The following CLASP1 variants were observed in gnomAD, a reference collection of about 807,000 sequenced individuals.
The protein encoded by CLASP1 is cytoplasmic linker associated protein 1.
In CLASP1, 38 loss-of-function variants were observed where a neutral mutation model predicts 192.3. The observed-to-expected ratio is 0.20, with a 90% CI of 0.15 to 0.26. The LOEUF is 0.26. Among genes scored for constraint, CLASP1 ranks in the 10% least tolerant of loss-of-function variants. The pLI is 1.00. For synonymous variants in CLASP1, 691 were observed against 712.8 expected, an observed-to-expected ratio of 0.97 and a Z score of 0.49; for missense variants, 1,433 against 1,932.5, an observed-to-expected ratio of 0.74 and a Z score of 4.85.
At chr2:121,632,842 G>C (rs534541101) in intron 1 of CLASP1, among the ~76,000 whole-genome samples, 2 of 151,492 alleles carry the variant, frequency 1.3e-5, no homozygotes, top group African/African-American at 4.9e-5. Flanking sequence ...GTTGCGGTGA[G>C]CCAAGATTGC....
intron 8 of CLASP1, among the ~76,000 whole-genome samples, chr2:121,501,167 G>T (rs2093740194): frequency 1.3e-5 from 2 of 152,162 alleles, no homozygotes; most frequent in Non-Finnish European, 2.9e-5. Context: ...TGTCATACTG[G>T]CTTATGAAGC....
At chr2:121,619,647 C>T (rs1455282869) in intron 1 of CLASP1, among the ~76,000 whole-genome samples, 2 of 152,148 alleles carry the variant, frequency 1.3e-5, no homozygotes, top group Non-Finnish European at 2.9e-5. Context: ...TAGAATTTGC[C>T]TTCACTAGTA....
intron 25 of CLASP1, among the ~76,000 whole-genome samples, chr2:121,406,081 C>T (rs578208133): frequency 1.6e-4 from 24 of 152,202 alleles, no homozygotes; most frequent in Non-Finnish European, 3.4e-4. Flanking sequence ...TCCTTTCTCC[C>T]GTTTTCACAT....
intron 2 of CLASP1, among the ~76,000 whole-genome samples, chr2:121,554,085 G>A (rs375374413): frequency 2.0e-5 from 3 of 151,468 alleles, no homozygotes; most frequent in East Asian, 1.9e-4. Flanking sequence ...GTGTGGTGGC[G>A]TGTGCCTGTA....
intron 36 of CLASP1, chr2:121,364,141 T>C (rs1395216571): frequency 6.6e-6 from 1 of 152,272 alleles, no homozygotes; most frequent in Non-Finnish European, 1.5e-5. Flanking sequence ...TACTTATCCC[T>C]AAACCAAACC....
intron 32 of CLASP1, 37 bp from the exon 34 acceptor site, chr2:121,382,361 T>A (rs780341680): frequency 3.0e-6 from 4 of 1,354,364 alleles, no homozygotes; most frequent in Admixed American, 2.6e-5. Context: ...GAGAGAGAAA[T>A]ACAAAAAGCA....
intron 19 of CLASP1, among the ~76,000 whole-genome samples, chr2:121,430,975 T>TA (rs763487123): frequency 0.012 from 1,739 of 144,306 alleles, 24 homozygotes; most frequent in Admixed American, 0.041. Context: ...CGATTAAACT[T>TA]TAAAAAAAAA....
chr2:121,377,394 T>C, intron 34 of CLASP1, 105 bp downstream of exon 35: 1 of 798,434 alleles, frequency 1.3e-6, no homozygotes, highest in Non-Finnish European at 1.9e-6. Flanking sequence ...AACTACAGGA[T>C]AAAAATAATG....
intron 28 of CLASP1, 22 bp downstream of exon 29, chr2:121,401,487 G>T: frequency 6.3e-7 from 1 of 1,589,460 alleles, no homozygotes; most frequent in Non-Finnish European, 8.6e-7. Context: ...CATCAAAATG[G>T]ACCTAACCCT....
Position 121,605,813 on chromosome 2 carries a change from A to C in CLASP1, c.83T>G (p.Ile28Arg), listed in dbSNP as rs773067210. ...CTTCTGTTTGTCTGAGAAATAGTCT[A>C]TCAGTTCTTGGCCAACCTGCAATCG... Residue 28 changes from isoleucine to arginine, a missense_variant, in exon 2 of 40, where the codon ATA (isoleucine) becomes AGA (arginine). Coordinates refer to ENST00000263710, the Ensembl canonical transcript of CLASP1. The C allele has an allele frequency of 3.7e-6, 6 of 1,614,040 alleles. No individual in the cohort carries two copies. In the Admixed American group the frequency reaches 1.0e-4, roughly 27 times the overall value.
At chr2:121,617,004 G>A (rs1285741462) in intron 1 of CLASP1, among the ~76,000 whole-genome samples, 1 of 152,222 alleles carries the variant, frequency 6.6e-6, no homozygotes, top group Admixed American at 6.5e-5. Context: ...GTAGGTAGAA[G>A]AGGAAGGAAG....
At chr2:121,525,742 C>G (rs1356623311) in intron 6 of CLASP1, 103 bp downstream of exon 6, 1 of 729,860 alleles carries the variant, frequency 1.4e-6, no homozygotes. Flanking sequence ...CATCAGTGTT[C>G]TGTGAAGATT....
intron 8 of CLASP1, among the ~76,000 whole-genome samples, chr2:121,474,184 T>C (rs1191307931): frequency 6.6e-6 from 1 of 152,088 alleles, no homozygotes; most frequent in Non-Finnish European, 1.5e-5. Flanking sequence ...GCCAATAACC[T>C]GGGGGCCAGA....
intron 1 of CLASP1, among the ~76,000 whole-genome samples, chr2:121,612,708 A>C (rs554423079): frequency 0.012 from 1,782 of 152,330 alleles, 38 homozygotes; most frequent in African/African-American, 0.04. Flanking sequence ...ACCAGTGGTC[A>C]CCTATGCCTG....
chr2:121,623,321 T>C (rs1436578555), intron 1 of CLASP1, among the ~76,000 whole-genome samples: 1 of 152,254 alleles, frequency 6.6e-6, no homozygotes, highest in Non-Finnish European at 1.5e-5. Flanking sequence ...TTTATTCTAT[T>C]ACATGGCATG....
chr2:121,555,997 T>G (rs928901187), intron 2 of CLASP1, among the ~76,000 whole-genome samples: 132 of 104,716 alleles, frequency 1.3e-3, no homozygotes, highest in African/African-American at 4.5e-3. Context: ...GCTTTTTTTT[T>G]TTTTTTTTTT....
At chr2:121,447,531 T>C in intron 18 of CLASP1, 24 bp from the exon 19 acceptor site, 7 of 1,537,250 alleles carry the variant, frequency 4.6e-6, no homozygotes, top group Non-Finnish European at 6.2e-6. Flanking sequence ...GGAGGAAATA[T>C]GAATAAGGAC....
At chr2:121,417,506 T>C (rs1265770033) in intron 23 of CLASP1, among the ~76,000 whole-genome samples, 1 of 151,282 alleles carries the variant, frequency 6.6e-6, no homozygotes, top group Non-Finnish European at 1.5e-5. Flanking sequence ...TCTGCTGTAA[T>C]GCTTCAGACT....
intron 2 of CLASP1, among the ~76,000 whole-genome samples, chr2:121,601,729 T>C (rs1187963669): frequency 6.6e-6 from 1 of 152,170 alleles, no homozygotes; most frequent in East Asian, 1.9e-4. Context: ...TGTTTGCAGA[T>C]GACATGATCT....
Sources: allele counts gnomAD v4.1 joint callset (sites outside exome capture counted in the v4.1 genomes callset), GRCh38; gene constraint gnomAD v4.1.1; transcripts MANE v1.5; gene names NCBI Gene and HGNC (gene_info 2026-07-23, HGNC 2026-07-21).